Variants in ERCC6L2 observed in about 807,000 individuals in gnomAD.
The protein encoded by ERCC6L2 is ERCC excision repair 6 like 2.
ERCC6L2 carries 77 observed loss-of-function variants against 132.0 expected under a neutral mutation model. The ratio of observed to expected loss-of-function variants is 0.58; its 90% confidence interval spans 0.49 to 0.71. The LOEUF (loss-of-function observed/expected upper bound fraction) is 0.71. ERCC6L2 is among the 30% of genes least tolerant of loss of function. The probability of loss-of-function intolerance (pLI) is 0.00; values close to 1 mark genes in which losing one functional copy is unlikely to be tolerated. For synonymous variants in ERCC6L2, 583 were observed against 632.4 expected, an observed-to-expected ratio of 0.92 and a Z score of 1.17; for missense variants, 1,542 against 1,837.6, an observed-to-expected ratio of 0.84 and a Z score of 2.94.
chr9:95,978,074 A>G lies in ERCC6L2; in HGVS notation c.3351A>G (p.Glu1117=), dbSNP rs1267433437. 7.3e-7 allele frequency: 1 copy of G among 1,365,546 alleles called. No homozygotes were observed. The highest frequency in any genetic ancestry group is 4.6e-5 in the East Asian group (1 of 21,946). 84.6% of individuals were successfully genotyped at this position (1,365,546 alleles called of 1,614,324 possible). Residue 1117 remains glutamate (E), a synonymous_variant, in exon 17 of 19, where the codon GAA becomes GAG. Coordinates refer to ENST00000653738, the MANE Select transcript of ERCC6L2 (RefSeq NM_020207.7). ...ATTACCTCCTAGATGGCGTTCAGGA[A>G]GTGGCTTATATTCACTCAAACCAGA... ...SMDKFLDGVQ[E]VAYIHSNQNV... is the part of the protein sequence containing the mutation.
chr9:95,956,761 A>G (rs575179272), intron 13 of ERCC6L2, among the ~76,000 whole-genome samples: 3 of 152,286 alleles, frequency 2.0e-5, no homozygotes, highest in Admixed American at 1.3e-4. Context: ...TGCCCCCATG[A>G]TTCAGTTACC....
At position 95,881,280 on chromosome 9, in the gene ERCC6L2, G is replaced by T. The variant is rs1231696615; in HGVS notation, c.458G>T (p.Gly153Val). Residue 153 changes from glycine to valine, a missense_variant, in exon 2 of 19, where the codon GGA becomes GTA. Coordinates refer to ENST00000653738, the MANE Select transcript of ERCC6L2 (RefSeq NM_020207.7). ...ATTCTGGGTGATGACATGGGACTTG[G>T]AAAAACAGTACAGGTATTTAATTAT... is the stretch of plus-strand genomic sequence containing the variant. ...GCILGDDMGL[G>V]KTVQVISFLA... The T allele has an allele frequency of 6.4e-7, 1 of 1,564,128 alleles. No homozygotes were observed. The highest frequency in any genetic ancestry group is 1.2e-5 in the South Asian group (1 of 82,392).
At chr9:95,975,654 A>G (rs111617039) in intron 16 of ERCC6L2, among the ~76,000 whole-genome samples, 3,430 of 151,552 alleles carry the variant, frequency 0.023, 110 homozygotes, top group African/African-American at 0.069. Flanking sequence ...CAGTGTTTTT[A>G]GTTACTTGTT....
chr9:96,005,704 G>A (rs997653339), intron 18 of ERCC6L2, among the ~76,000 whole-genome samples: 1 of 151,886 alleles, frequency 6.6e-6, no homozygotes, highest in African/African-American at 2.4e-5. Flanking sequence ...CAACCCTTGG[G>A]GGCTACAGAA....
chr9:95,929,802 A>G (rs1830259016), intron 11 of ERCC6L2, among the ~76,000 whole-genome samples: 1 of 152,190 alleles, frequency 6.6e-6, no homozygotes, highest in African/African-American at 2.4e-5. Flanking sequence ...AATTTCATAA[A>G]ACATATAAGC....
chr9:96,004,711 CTCTGACAATACTATACTT>C lies in ERCC6L2; in HGVS notation c.3674+11_3674+28del. On this transcript the variant is annotated intron_variant, in intron 18 of 18. Coordinates refer to ENST00000653738, the MANE Select transcript of ERCC6L2 (RefSeq NM_020207.7). ...CAAAAGGAATCCGCAGGTATATTGT[CTCTGACAATACTATACTT>C]GAAGAATAATTCTCAAAGGAAATGT... 1 of 1,322,934 alleles carries C rather than the reference CTCTGACAATACTATACTT, an allele frequency of 7.6e-7. No individual in the cohort carries two copies. Among genetic ancestry groups the C allele is most frequent in the Middle Eastern group, 2.1e-4 (1 of 4,714 alleles). The allele number at this position is 1,322,934 out of a possible 1,614,324, so 81.9% of individuals were successfully genotyped here. A position where few individuals can be genotyped will look rare whatever the true frequency, so the allele number is the denominator to read the frequency against.
At chr9:95,921,693 T>C (rs1226227028) in intron 7 of ERCC6L2, among the ~76,000 whole-genome samples, 1 of 152,232 alleles carries the variant, frequency 6.6e-6, no homozygotes, top group African/African-American at 2.4e-5. Context: ...ATGTTAGATA[T>C]AGTGTCAATT....
chr9:95,876,026 TC>T lies in ERCC6L2; in HGVS notation c.-8del, dbSNP rs1827238722. ...GTTACATGCAGCCGGGCTCGGCCCC[TC>T]CCCCTGGCCGGATGGATCCGTCGGC... On this transcript the variant is annotated 5_prime_UTR_variant, in exon 1 of 19. Coordinates refer to ENST00000653738, the MANE Select transcript of ERCC6L2 (RefSeq NM_020207.7). The T allele has an allele frequency of 1.9e-6, 3 of 1,585,242 alleles. No individual in the cohort carries two copies. Among genetic ancestry groups the T allele is most frequent in the Non-Finnish European group, 1.7e-6 (2 of 1,166,648 alleles).
At chr9:95,994,393 T>C (rs766547175) in intron 17 of ERCC6L2, among the ~76,000 whole-genome samples, 3 of 152,182 alleles carry the variant, frequency 2.0e-5, no homozygotes. Flanking sequence ...TTGTTTCCAG[T>C]TTTCTCACTG....
At chr9:96,001,546 T>G (rs1486868930) in intron 17 of ERCC6L2, among the ~76,000 whole-genome samples, 4 of 152,190 alleles carry the variant, frequency 2.6e-5, no homozygotes, top group African/African-American at 9.6e-5. Context: ...ATTGGTGTAT[T>G]TACAAACCTT....
Position 95,941,500 on chromosome 9 carries a change from T to G in ERCC6L2, c.1798T>G (p.Leu600Val), listed in dbSNP as rs746334494. 1 of 1,613,434 alleles carries G rather than the reference T, an allele frequency of 6.2e-7. No homozygotes were observed. Reference sequence around the variant, plus strand: ...TTTTGTCGGTGCCAATGTTGTTGTATTATTTGATCCTACTTGGAATCCAGC... The same window carrying G: ...TTTTGTCGGTGCCAATGTTGTTGTAGTATTTGATCCTACTTGGAATCCAGC... ...LNFVGANVVV[L>V]FDPTWNPAND... is the part of the protein sequence containing the mutation. Residue 600 changes from leucine to valine, a missense_variant, in exon 12 of 19, where the codon TTA (leucine) becomes GTA (valine). Leu to Val is a conservative substitution (Grantham distance 32). This residue lies in a region of ERCC6L2 where 945 missense variants were observed against 1,105.2 expected (regional missense o/e 0.86). Transcript: ENST00000653738.
intron 3 of ERCC6L2, among the ~76,000 whole-genome samples, chr9:95,899,600 A>ATATATATGTGTGTGTGTG (rs746946004): frequency 1.5e-5 from 2 of 134,820 alleles, no homozygotes; most frequent in African/African-American, 5.8e-5. Context: ...TTATATATAT[A>ATATATATGTGTGTGTGTG]TGTGTGTGTG....
intron 12 of ERCC6L2, among the ~76,000 whole-genome samples, chr9:95,949,032 A>G (rs1384210539): frequency 6.6e-6 from 1 of 152,002 alleles, no homozygotes; most frequent in Non-Finnish European, 1.5e-5. Flanking sequence ...GATAGAAATT[A>G]AAAAAAGAAA....
Position 96,018,237 on chromosome 9 carries a change from G to C in ERCC6L2, c.*5034G>C, listed in dbSNP as rs562068240. On this transcript the variant is annotated 3_prime_UTR_variant, in exon 19 of 19. Coordinates refer to ENST00000653738, the MANE Select transcript of ERCC6L2 (RefSeq NM_020207.7). ...AAAAGTCATTAAAATGCTAAATTTT[G>C]TATGTGTTTTACAATTTTAAAAATG... 1.3e-5 allele frequency among the ~76,000 whole-genome samples: 2 copies of C among 152,064 alleles called. No homozygotes were observed. The highest frequency in any genetic ancestry group is 4.8e-5 in the African/African-American group (2 of 41,376).
intron 17 of ERCC6L2, among the ~76,000 whole-genome samples, chr9:95,987,176 C>T (rs1386140773): frequency 6.6e-6 from 1 of 152,152 alleles, no homozygotes; most frequent in African/African-American, 2.4e-5. Flanking sequence ...AGAGCCAAAC[C>T]ATATCATTCT....
rs112611598 is a variant in ERCC6L2, at chr9:95,956,880, AC to A, written c.1947+869del. Among the ~76,000 whole-genome samples the A allele has an allele frequency of 9.7e-3, 1,479 of 152,152 alleles. 14 individuals are homozygous for A. The highest frequency in any genetic ancestry group is 0.041 in the Middle Eastern group (12 of 294). On this transcript the variant is annotated intron_variant, in intron 13 of 18. Transcript: ENST00000653738. Reference sequence around the variant, plus strand: ...TCAGCTAGCTGCCAGCCTTTGAGTAACCTCTTCTTTTTACACCAGGTAGATA... The same window carrying A: ...TCAGCTAGCTGCCAGCCTTTGAGTAACTCTTCTTTTTACACCAGGTAGATA...
chr9:96,012,049 G>T (rs1361906106), intron 18 of ERCC6L2, among the ~76,000 whole-genome samples, 176 bp from the exon 19 acceptor site: 2 of 152,150 alleles, frequency 1.3e-5, no homozygotes, highest in African/African-American at 4.8e-5. Flanking sequence ...GTAGCATAAG[G>T]GTAGAGGCCT....
downstream of ERCC6L2, among the ~76,000 whole-genome samples, chr9:96,022,896 G>A (rs926622976): frequency 6.6e-6 from 1 of 152,048 alleles, no homozygotes; most frequent in African/African-American, 2.4e-5. Context: ...GGCTTGTGCT[G>A]CTCCACCCTC....
In ERCC6L2 at chr9:96,016,282, G is replaced by A. The variant is rs1834184248; in HGVS notation, c.*3079G>A. Among the ~76,000 whole-genome samples the A allele has an allele frequency of 6.6e-6, 1 of 152,172 alleles. No individual in the cohort carries two copies. The highest frequency in any genetic ancestry group is 1.9e-4 in the East Asian group (1 of 5,192). ...AGTAAAACAATTAAAATGCAAGTCTGTTGCTTCAAGCAACACCACTGTGGC... is the reference window on the plus strand; with the variant it reads ...AGTAAAACAATTAAAATGCAAGTCTATTGCTTCAAGCAACACCACTGTGGC... On this transcript the variant is annotated 3_prime_UTR_variant, in exon 19 of 19. Coordinates refer to ENST00000653738, the MANE Select transcript of ERCC6L2 (RefSeq NM_020207.7).
Sources: allele counts gnomAD v4.1 joint callset (sites outside exome capture counted in the v4.1 genomes callset), GRCh38; gene constraint gnomAD v4.1.1; regional missense constraint gnomAD v4.1.1; transcripts MANE v1.5; gene names NCBI Gene and HGNC (gene_info 2026-07-23, HGNC 2026-07-21).